The following SLC24A3 variants were observed in gnomAD, a reference collection of about 807,000 sequenced individuals.
The protein encoded by SLC24A3 is sodium/potassium/calcium exchanger 3.
SLC24A3 carries 28 observed loss-of-function variants against 75.8 expected under a neutral mutation model. The ratio of observed to expected loss-of-function variants is 0.37; its 90% CI spans 0.27 to 0.51. The LOEUF is 0.51. Ranked by LOEUF, SLC24A3 falls within the 20% of genes least tolerant of loss-of-function variation. The pLI, the probability that SLC24A3 is intolerant of heterozygous loss-of-function variation, is 0.94. For synonymous variants in SLC24A3, 372 were observed against 334.1 expected (o/e 1.11, Z -1.24); for missense variants, 663 against 847.8 (o/e 0.78, Z 2.71).
At chr20:19,256,098 CTAA>C (rs3058400) in intron 1 of SLC24A3, among the ~76,000 whole-genome samples, 30 of 149,368 alleles carry the variant, frequency 2.0e-4, no homozygotes, top group East Asian at 9.9e-4. Context: ...GACCCTGTCT[CTAA>C]TAATAATAAT....
intron 3 of SLC24A3, among the ~76,000 whole-genome samples, chr20:19,525,410 A>C (rs758489154): frequency 3.0e-4 from 45 of 152,046 alleles, no homozygotes; most frequent in Non-Finnish European, 5.9e-4. Flanking sequence ...CACTATGGGG[A>C]GTGAGGTAGA....
At chr20:19,604,043 G>T (rs1251516663) in intron 6 of SLC24A3, among the ~76,000 whole-genome samples, 2 of 152,210 alleles carry the variant, frequency 1.3e-5, no homozygotes, top group Admixed American at 1.3e-4. Flanking sequence ...TACTCCATCG[G>T]TGAGTATCTT....
At chr20:19,710,971 C>T (rs931226943) in intron 15 of SLC24A3, among the ~76,000 whole-genome samples, 3 of 152,034 alleles carry the variant, frequency 2.0e-5, no homozygotes, top group South Asian at 2.1e-4. Context: ...GGCCTGTCTC[C>T]CAATCAACTC....
chr20:19,554,040 A>G (rs540252618), intron 3 of SLC24A3, among the ~76,000 whole-genome samples: 3 of 152,310 alleles, frequency 2.0e-5, no homozygotes, highest in South Asian at 4.1e-4. Flanking sequence ...ATAACAATGC[A>G]GTCTAAGAAG....
At chr20:19,399,020 A>T (rs2328382) in intron 2 of SLC24A3, among the ~76,000 whole-genome samples, 11,705 of 152,146 alleles carry the variant, frequency 0.077, 1,520 homozygotes, top group African/African-American at 0.26. Flanking sequence ...TTTCTTTGGT[A>T]GTTTGTTCAG....
rs199856512 is a variant in SLC24A3 at position 19,685,240 on chromosome 20, C to T, written c.1203C>T (p.Asp401=). 156 of 1,613,940 alleles carry T rather than the reference C, an allele frequency of 9.7e-5. No individual in the cohort carries two copies. Among genetic ancestry groups the T allele is most frequent in the Non-Finnish European group, 1.1e-4 (134 of 1,180,004 alleles). ...PDRGVNGTRR[D]DVVAEAGNET... ...GGGGCGTGAATGGGACACGGAGGGA[C>T]GATGTTGTGGCTGAGGCTGGCAACG... The change falls in exon 12 of 17, where the codon GAC becomes GAT. Residue 401 remains aspartate (D), a synonymous_variant. Transcript: ENST00000328041.
At chr20:19,419,172 A>G (rs1986873909) in intron 2 of SLC24A3, among the ~76,000 whole-genome samples, 1 of 152,218 alleles carries the variant, frequency 6.6e-6, no homozygotes, top group Non-Finnish European at 1.5e-5. Context: ...AAGGAAAACA[A>G]ATGTGAACTT....
chr20:19,362,934 C>T (rs1226835942), intron 2 of SLC24A3, among the ~76,000 whole-genome samples: 1 of 152,208 alleles, frequency 6.6e-6, no homozygotes, highest in East Asian at 1.9e-4. Flanking sequence ...GCTGAAATCA[C>T]TCAGCAAACT....
At chr20:19,656,138 T>G (rs983704580) in intron 7 of SLC24A3, among the ~76,000 whole-genome samples, 3 of 152,212 alleles carry the variant, frequency 2.0e-5, no homozygotes, top group Admixed American at 6.5e-5. Flanking sequence ...AGGGTTGACG[T>G]GAGATTTTCC....
intron 2 of SLC24A3, among the ~76,000 whole-genome samples, chr20:19,363,037 A>T (rs1985820409): frequency 6.6e-6 from 1 of 152,228 alleles, no homozygotes; most frequent in South Asian, 2.1e-4. Context: ...AAAACGTTGA[A>T]ATCACAGGAT....
intron 2 of SLC24A3, among the ~76,000 whole-genome samples, chr20:19,362,754 C>A (rs11905710): frequency 0.072 from 11,020 of 152,124 alleles, 1,268 homozygotes; most frequent in African/African-American, 0.25. Context: ...GCTCCCTACA[C>A]CCCCGAGTCT....
At chr20:19,471,549 A>G (rs1042297776) in intron 2 of SLC24A3, among the ~76,000 whole-genome samples, 1 of 152,072 alleles carries the variant, frequency 6.6e-6, no homozygotes, top group African/African-American at 2.4e-5. Flanking sequence ...AGAAGTCCCT[A>G]TTTCTGTGGT....
chr20:19,597,623 G>A (rs1223027078), intron 6 of SLC24A3, among the ~76,000 whole-genome samples: 2 of 151,996 alleles, frequency 1.3e-5, no homozygotes, highest in South Asian at 2.1e-4. Flanking sequence ...CTACATTGTT[G>A]TTCATTGTGG....
Position 19,283,864 on chromosome 20 carries a change from A to T in SLC24A3, c.271+2777A>T, listed in dbSNP as rs184287034. On this transcript the variant is annotated intron_variant, in intron 2 of 16. Transcript: ENST00000328041. ...AATTTCCCACCCTCTGTCCTGGGGC[A>T]TCATTACGGGTGGGGCACAGTGCAA... is the stretch of plus-strand genomic sequence containing the variant. 8.5e-5 allele frequency among the ~76,000 whole-genome samples: 13 copies of T among 152,308 alleles called. No individual in the cohort carries two copies. The East Asian group carries it at 2.5e-3, about 29-fold the overall frequency.
intron 2 of SLC24A3, among the ~76,000 whole-genome samples, chr20:19,383,454 G>A (rs1305479140): frequency 6.6e-6 from 1 of 151,986 alleles, no homozygotes; most frequent in Non-Finnish European, 1.5e-5. Context: ...GAAGCTACAT[G>A]TAGTATACAC....
At chr20:19,292,077 G>C (rs1983955057) in intron 2 of SLC24A3, among the ~76,000 whole-genome samples, 1 of 152,220 alleles carries the variant, frequency 6.6e-6, no homozygotes, top group Non-Finnish European at 1.5e-5. Flanking sequence ...CAGGCCTGGG[G>C]AGGACCCATG....
At chr20:19,695,124 C>G (rs2032789117) in intron 13 of SLC24A3, among the ~76,000 whole-genome samples, 1 of 152,148 alleles carries the variant, frequency 6.6e-6, no homozygotes, top group Non-Finnish European at 1.5e-5. Flanking sequence ...GCTGCATTCT[C>G]TGTCTGAAAG....
At chr20:19,506,413 G>A (rs1988462984) in intron 2 of SLC24A3, among the ~76,000 whole-genome samples, 1 of 152,042 alleles carries the variant, frequency 6.6e-6, no homozygotes, top group Admixed American at 6.5e-5. Flanking sequence ...TCTGGTTTTT[G>A]AAGGGAAGGA....
intron 6 of SLC24A3, among the ~76,000 whole-genome samples, chr20:19,609,289 C>T (rs1398500785): frequency 1.3e-5 from 2 of 151,926 alleles, no homozygotes; most frequent in Non-Finnish European, 2.9e-5. Context: ...GGTGGCAGGA[C>T]ATGGTTGCTC....
Sources: allele counts gnomAD v4.1 joint callset (sites outside exome capture counted in the v4.1 genomes callset), GRCh38; gene constraint gnomAD v4.1.1; transcripts MANE v1.5; gene names NCBI Gene and HGNC (gene_info 2026-07-23, HGNC 2026-07-21).